VMA12: variants seen among roughly 807,000 people sequenced by gnomAD.
VMA12 encodes vacuolar ATPase assembly protein VMA12.
At chr17:28,359,448 A>C in the VMA12 span, 11 of 1,574,604 alleles carry the variant, frequency 7.0e-6, no homozygotes, top group African/African-American at 1.3e-5. Context: ...AGCCCCTCAG[A>C]GTAGGGCCCT....
chr17:28,359,024 G>T, the VMA12 span: 1 of 1,552,330 alleles, frequency 6.4e-7, no homozygotes, highest in South Asian at 1.2e-5. Flanking sequence ...AGTGGTTATT[G>T]ACTGAGTTGG....
chr17:28,358,244 T>G, the VMA12 span: 1 of 396,122 alleles, frequency 2.5e-6, no homozygotes, highest in Non-Finnish European at 5.0e-6. Context: ...AATCCGGATT[T>G]CTTTCCACCT....
the VMA12 span, chr17:28,358,772 T>C: frequency 1.5e-6 from 1 of 681,906 alleles, no homozygotes; most frequent in Non-Finnish European, 2.5e-6. Context: ...AAAATTCTTT[T>C]CAATTGAAAA....
the VMA12 span, chr17:28,361,183 C>T: frequency 3.7e-6 from 6 of 1,614,062 alleles, no homozygotes; most frequent in South Asian, 2.2e-5. Context: ...TGATCGTCGC[C>T]TCTGTGGTGG....
At chr17:28,361,098 T>C in the VMA12 span, 6 of 1,531,852 alleles carry the variant, frequency 3.9e-6, no homozygotes, top group Non-Finnish European at 5.4e-6. Context: ...TTAAAGTTGC[T>C]GGGGTACAGA....
At chr17:28,358,004 C>T in the VMA12 span, 5 of 1,040,262 alleles carry the variant, frequency 4.8e-6, no homozygotes, top group African/African-American at 3.2e-5. Context: ...AGAGTCACTC[C>T]ATAAATCCCA....
chr17:28,359,627 C>T, the VMA12 span: 3 of 260,512 alleles, frequency 1.2e-5, no homozygotes, highest in African/African-American at 1.1e-4. Flanking sequence ...GGGAGTTAGC[C>T]GGGCACGGCG....
At chr17:28,359,165 A>C in the VMA12 span, 1 of 1,013,152 alleles carries the variant, frequency 9.9e-7, no homozygotes, top group Non-Finnish European at 1.4e-6. Flanking sequence ...GATCAAAAAA[A>C]AAAAAAACAG....
chr17:28,359,078 T>C, the VMA12 span: 1 of 1,303,872 alleles, frequency 7.7e-7, no homozygotes, highest in Non-Finnish European at 1.1e-6. Context: ...CTTTTAGGCT[T>C]GAAAAATTGT....
the VMA12 span, chr17:28,358,840 G>A: frequency 8.6e-7 from 1 of 1,165,868 alleles, no homozygotes. Context: ...TAGAAAGAAG[G>A]GCTACACCCC....
chr17:28,357,963 T>C, the VMA12 span: 3 of 1,449,836 alleles, frequency 2.1e-6, no homozygotes, highest in Admixed American at 5.4e-5. Flanking sequence ...TCATTCCCCT[T>C]CTTCTACGGA....
At chr17:28,360,258 C>T in the VMA12 span, 1 of 349,560 alleles carries the variant, frequency 2.9e-6, no homozygotes, top group Non-Finnish European at 5.4e-6. Flanking sequence ...TGTGCCCAGC[C>T]ATTCGAGCAT....
the VMA12 span, chr17:28,361,311 G>C: frequency 2.0e-6 from 3 of 1,531,218 alleles, no homozygotes; most frequent in Non-Finnish European, 2.7e-6. Flanking sequence ...CCAATTGGCA[G>C]TCACCGACTC....
the VMA12 span, chr17:28,357,714 T>C: frequency 9.8e-4 from 1,579 of 1,613,132 alleles, 10 homozygotes; most frequent in Non-Finnish European, 5.1e-4. Context: ...GTGCGTGCTT[T>C]GGGCCCCGGC....
the VMA12 span, chr17:28,358,034 C>G: frequency 1.3e-6 from 1 of 779,106 alleles, no homozygotes; most frequent in South Asian, 1.9e-5. Flanking sequence ...ACTTTCTTAA[C>G]TCCCATGGGA....
At chr17:28,359,755 C>G in the VMA12 span, 1 of 175,502 alleles carries the variant, frequency 5.7e-6, no homozygotes, top group African/African-American at 2.4e-5. Context: ...AAATACAAAA[C>G]TTAGCCTGGC....
the VMA12 span, chr17:28,361,081 A>G: frequency 7.0e-7 from 1 of 1,432,722 alleles, no homozygotes; most frequent in Non-Finnish European, 9.8e-7. Context: ...GGGGCTCTCC[A>G]TCCTCATTAA....
chr17:28,357,822 C>G, the VMA12 span: 2 of 1,614,076 alleles, frequency 1.2e-6, no homozygotes, highest in South Asian at 1.1e-5. Flanking sequence ...TCCAGTGGCC[C>G]CCAACGCTTG....
the VMA12 span, chr17:28,359,157 T>C: frequency 1.2e-6 from 1 of 814,120 alleles, no homozygotes. Context: ...AAAATTGAGA[T>C]CAAAAAAAAA....
Sources: gnomAD v4.1 joint callset for allele counts on GRCh38, gnomAD v4.1.1 for gene constraint, MANE v1.5 for transcripts, NCBI Gene and HGNC (gene_info 2026-07-23, HGNC 2026-07-21) for gene names.